The following RNF150 variants were observed in gnomAD, a reference collection of about 807,000 sequenced individuals.
RNF150 encodes the protein ring finger protein 150.
RNF150 carries 24 observed loss-of-function variants against 39.3 expected under a neutral mutation model. The ratio of observed to expected loss-of-function variants is 0.61; its 90% confidence interval spans 0.44 to 0.86. The LOEUF is 0.86. Ranked by LOEUF, RNF150 falls within the 40% of genes least tolerant of loss-of-function variation. The probability of loss-of-function intolerance (pLI) is 0.00; values close to 1 mark genes in which losing one functional copy is unlikely to be tolerated. For missense variants in RNF150, 502 were observed against 587.8 expected, an observed-to-expected ratio of 0.85 and a Z score of 1.51; for synonymous variants, 255 against 227.3, an observed-to-expected ratio of 1.12 and a Z score of -1.10.
chr4:141,091,718 G>C (rs1462011453), intron 1 of RNF150, among the ~76,000 whole-genome samples: 1 of 152,182 alleles, frequency 6.6e-6, no homozygotes, highest in Non-Finnish European at 1.5e-5. Context: ...TGAGACTTCA[G>C]TGATGATGTA....
chr4:140,920,130 A>T (rs903720800), intron 5 of RNF150, among the ~76,000 whole-genome samples: 1 of 150,372 alleles, frequency 6.7e-6, no homozygotes, highest in Non-Finnish European at 1.5e-5. Flanking sequence ...GGCATGGGCA[A>T]GGACTTCATG....
intron 6 of RNF150, among the ~76,000 whole-genome samples, chr4:140,895,077 C>T (rs1729891603): frequency 6.6e-6 from 1 of 152,138 alleles, no homozygotes; most frequent in Admixed American, 6.5e-5. Flanking sequence ...TGTTCATTAA[C>T]CCACTAGAGA....
intron 1 of RNF150, among the ~76,000 whole-genome samples, chr4:141,098,148 A>G (rs539742628): frequency 2.6e-5 from 4 of 152,246 alleles, no homozygotes; most frequent in Admixed American, 6.5e-5. Context: ...ATTTTCTCCC[A>G]AAGAATAATG....
rs570950952 is a variant in RNF150, at chr4:140,911,388, A to C, written c.988-34T>G. 5.7e-6 allele frequency: 9 copies of C among 1,572,036 alleles called. No homozygotes were observed. The South Asian group carries it at 7.8e-5, about 14-fold the overall frequency. On this transcript the variant is annotated intron_variant, in intron 5 of 6. Coordinates refer to ENST00000515673, the MANE Select transcript of RNF150 (RefSeq NM_020724.2). ...GCAGAAAAAGATCTGTTCTCAGTACATGTCATCCACTTAGAGATTAAATGT... is the reference window on the plus strand; with the variant it reads ...GCAGAAAAAGATCTGTTCTCAGTACCTGTCATCCACTTAGAGATTAAATGT...
At chr4:141,162,904 G>A (rs1454097642) in intron 1 of RNF150, among the ~76,000 whole-genome samples, 1 of 152,192 alleles carries the variant, frequency 6.6e-6, no homozygotes, top group Non-Finnish European at 1.5e-5. Flanking sequence ...TGAGCTAGCT[G>A]CAAGAGTGTT....
At chr4:140,989,574 C>T (rs1734125696) in intron 1 of RNF150, among the ~76,000 whole-genome samples, 1 of 152,166 alleles carries the variant, frequency 6.6e-6, no homozygotes, top group Non-Finnish European at 1.5e-5. Flanking sequence ...CTAACAGATA[C>T]ATGATGACCT....
At chr4:140,887,964 T>C (rs954090267) in intron 6 of RNF150, among the ~76,000 whole-genome samples, 3 of 152,240 alleles carry the variant, frequency 2.0e-5, no homozygotes, top group Admixed American at 2.0e-4. Flanking sequence ...CTTATTATGC[T>C]GGCATCATTT....
intron 1 of RNF150, among the ~76,000 whole-genome samples, chr4:141,090,112 G>A (rs1371888839): frequency 6.6e-6 from 1 of 152,222 alleles, no homozygotes; most frequent in Non-Finnish European, 1.5e-5. Flanking sequence ...ATGTTAACAT[G>A]TGACTTCTTA....
At chr4:141,005,953 C>CA (rs1368085515) in intron 1 of RNF150, among the ~76,000 whole-genome samples, 3 of 145,532 alleles carry the variant, frequency 2.1e-5, no homozygotes, top group African/African-American at 7.7e-5. Context: ...CCTGTAGTCC[C>CA]AGCTACTTGG....
chr4:141,128,614 T>C (rs1178004918), intron 1 of RNF150, among the ~76,000 whole-genome samples: 3 of 152,188 alleles, frequency 2.0e-5, no homozygotes, highest in African/African-American at 7.2e-5. Context: ...GGAAGATGCA[T>C]TTCTCTATAG....
intron 1 of RNF150, among the ~76,000 whole-genome samples, chr4:141,176,526 A>G (rs774144685): frequency 4.6e-5 from 7 of 152,222 alleles, no homozygotes; most frequent in Non-Finnish European, 8.8e-5. Flanking sequence ...TCATCTAACA[A>G]TAAAGCACAA....
intron 1 of RNF150, among the ~76,000 whole-genome samples, chr4:141,106,950 C>T (rs190488914): frequency 5.6e-4 from 85 of 152,204 alleles, no homozygotes; most frequent in Admixed American, 1.7e-3. Flanking sequence ...ATATAGACTG[C>T]TATATTTAGT....
At position 140,861,697 on chromosome 4, in the gene RNF150, A is replaced by C. The variant is rs749612664; in HGVS notation, c.*6564T>G. 3 of 152,210 alleles carry C rather than the reference A, an allele frequency of 2.0e-5. No individual in the cohort carries two copies. The highest frequency in any genetic ancestry group is 2.4e-5 in the African/African-American group (1 of 41,450). The allele number at this position is 152,210 out of a possible 1,614,324, so 9.4% of individuals were successfully genotyped here. A position where few individuals can be genotyped will look rare whatever the true frequency, so the allele number is the denominator to read the frequency against. On this transcript the variant is annotated 3_prime_UTR_variant, in exon 7 of 7. Transcript: ENST00000515673. ...AGGCAACAGTTTTGTATCTTCTTCG[A>C]AAGAGCAGGATATACTATATTTAGC...
intron 1 of RNF150, among the ~76,000 whole-genome samples, chr4:141,146,297 C>A (rs538738819): frequency 6.6e-6 from 1 of 152,198 alleles, no homozygotes; most frequent in Non-Finnish European, 1.5e-5. Flanking sequence ...AGAAACATTC[C>A]TTTTACAGAT....
intron 1 of RNF150, among the ~76,000 whole-genome samples, chr4:141,176,409 G>A (rs1184381430): frequency 6.6e-6 from 1 of 152,172 alleles, no homozygotes; most frequent in Non-Finnish European, 1.5e-5. Flanking sequence ...CCTTGCAAAA[G>A]ATGAACTTTG....
At chr4:140,913,268 A>G (rs1285690600) in intron 5 of RNF150, among the ~76,000 whole-genome samples, 4 of 152,102 alleles carry the variant, frequency 2.6e-5, no homozygotes, top group East Asian at 1.9e-4. Flanking sequence ...TCAAGAAAAC[A>G]AAACAAAACA....
Position 141,011,089 on chromosome 4 carries a change from T to G in RNF150, c.485-43216A>C, listed in dbSNP as rs142979909. 4.2e-3 allele frequency among the ~76,000 whole-genome samples: 641 copies of G among 152,168 alleles called. 5 individuals carry two copies. The highest frequency in any genetic ancestry group is 0.015 in the African/African-American group (616 of 41,526). ...ATTTAATGATATTATTAAACAAAAT[T>G]TTCGTATTACTCTCTTCTCAATAAT... On this transcript the variant is annotated intron_variant, in intron 1 of 6. Transcript: ENST00000515673.
intron 1 of RNF150, among the ~76,000 whole-genome samples, chr4:141,186,954 G>A (rs544439470): frequency 2.6e-5 from 4 of 152,126 alleles, no homozygotes; most frequent in South Asian, 2.1e-4. Context: ...TTAGGGTGTC[G>A]ATTATAGATC....
At position 141,119,356 on chromosome 4, in the gene RNF150, C is replaced by G. The variant is rs577368420; in HGVS notation, c.484+12969G>C. ...AAAGAGACAGATTCATACAACACAT[C>G]TAGACAGGTAGGATTTACCATCAAA... On this transcript the variant is annotated intron_variant, in intron 1 of 6. Transcript: ENST00000515673. 8.5e-5 allele frequency among the ~76,000 whole-genome samples: 13 copies of G among 152,350 alleles called. No individual in the cohort carries two copies. The South Asian group carries it at 1.0e-3, about 12-fold the overall frequency.
Sources: gnomAD v4.1 joint callset for allele counts (sites outside exome capture counted in the v4.1 genomes callset) on GRCh38, gnomAD v4.1.1 for gene constraint, MANE v1.5 for transcripts, NCBI Gene and HGNC (gene_info 2026-07-23, HGNC 2026-07-21) for gene names.